Variants in PRKN observed in about 807,000 individuals in gnomAD.
PRKN encodes the protein E3 ubiquitin-protein ligase parkin.
A neutral mutation model predicts 59.5 loss-of-function variants in PRKN; 56 were observed. That is an observed-to-expected ratio of 0.94 (90% CI 0.76 to 1.18). The LOEUF (loss-of-function observed/expected upper bound fraction) is 1.18. PRKN is among the 50% of genes most tolerant of loss of function. The probability of loss-of-function intolerance (pLI) is 0.00; values close to 1 mark genes in which losing one functional copy is unlikely to be tolerated. For missense variants in PRKN, 657 were observed against 596.4 expected (o/e 1.10, Z -1.06); for synonymous variants, 250 against 222.1 (o/e 1.13, Z -1.12).
chr6:162,610,418 G>A (rs907926156), intron 1 of PRKN, among the ~76,000 whole-genome samples: 5 of 152,162 alleles, frequency 3.3e-5, no homozygotes, highest in African/African-American at 7.2e-5. Flanking sequence ...GTGCTGCTAC[G>A]CTGTTAGAGG....
At chr6:162,552,422 A>G (rs1779368805) in intron 1 of PRKN, among the ~76,000 whole-genome samples, 1 of 152,074 alleles carries the variant, frequency 6.6e-6, no homozygotes, top group Non-Finnish European at 1.5e-5. Flanking sequence ...TGGAAGATGT[A>G]CTCTGGAGGT....
intron 4 of PRKN, among the ~76,000 whole-genome samples, chr6:162,196,900 G>T (rs1784515520): frequency 6.6e-6 from 1 of 152,072 alleles, no homozygotes; most frequent in African/African-American, 2.4e-5. Flanking sequence ...AACTTTAGAA[G>T]ATTACCATTT....
rs1020062678 is a variant in PRKN, at chr6:161,445,717, G to C, written c.1084-58840C>G. 2.0e-5 allele frequency among the ~76,000 whole-genome samples: 3 copies of C among 152,206 alleles called. No homozygotes were observed. The highest frequency in any genetic ancestry group is 7.2e-5 in the African/African-American group (3 of 41,460). The stretch of plus-strand genomic sequence containing the variant: ...CAGAGTGCATGGTCTCCCTTCACGT[G>C]CGGGGCCAGGTGACTGCACAGAGTG... On this transcript the variant is annotated intron_variant, in intron 9 of 11. Transcript: ENST00000366898. The surrounding 1 kb of genome is among the most constrained non-coding windows in gnomAD (Gnocchi z 7.7).
intron 7 of PRKN, among the ~76,000 whole-genome samples, chr6:161,694,358 C>CAT (rs952229961): frequency 1.3e-5 from 2 of 152,124 alleles, no homozygotes; most frequent in Non-Finnish European, 2.9e-5. Context: ...ATGCACTTCA[C>CAT]ATAATGTTGT....
At chr6:161,666,861 T>G (rs1784744583) in intron 7 of PRKN, among the ~76,000 whole-genome samples, 1 of 152,052 alleles carries the variant, frequency 6.6e-6, no homozygotes, top group African/African-American at 2.4e-5. Flanking sequence ...TGGCAGACAC[T>G]CAGCAGAAGA....
chr6:162,423,035 G>C (rs969573593), intron 2 of PRKN, among the ~76,000 whole-genome samples: 22 of 148,592 alleles, frequency 1.5e-4, no homozygotes, highest in African/African-American at 5.2e-4. Flanking sequence ...TGGATTCTTT[G>C]CCTTTCATTG....
At chr6:161,895,858 G>A (rs1025452058) in intron 6 of PRKN, among the ~76,000 whole-genome samples, 8 of 152,228 alleles carry the variant, frequency 5.3e-5, no homozygotes, top group Non-Finnish European at 1.0e-4. Context: ...GTAAGGGGCA[G>A]GGTTGGAGGG....
At chr6:162,272,586 T>C (rs982449606) in intron 2 of PRKN, among the ~76,000 whole-genome samples, 3 of 152,050 alleles carry the variant, frequency 2.0e-5, no homozygotes, top group Non-Finnish European at 4.4e-5. Flanking sequence ...CAGAACCACA[T>C]GCGAGTTTAT....
intron 7 of PRKN, among the ~76,000 whole-genome samples, chr6:161,583,899 A>T (rs1230793077): frequency 6.6e-6 from 1 of 152,198 alleles, no homozygotes; most frequent in Non-Finnish European, 1.5e-5. Context: ...TTTGCAAACC[A>T]TTCAGAGGCA....
intron 5 of PRKN, among the ~76,000 whole-genome samples, chr6:162,022,048 A>G (rs1214531485): frequency 6.6e-6 from 1 of 152,010 alleles, no homozygotes; most frequent in Non-Finnish European, 1.5e-5. Context: ...TTTTGGCTGC[A>G]TAGTATTCTA....
chr6:162,643,077 T>C (rs1778023230), intron 1 of PRKN, among the ~76,000 whole-genome samples: 1 of 152,058 alleles, frequency 6.6e-6, no homozygotes, highest in Non-Finnish European at 1.5e-5. Flanking sequence ...AAAGTTGACA[T>C]AGACATAAAG....
At position 161,526,644 on chromosome 6, in the gene PRKN, C is replaced by A. The variant is rs978816575; in HGVS notation, c.1083+22210G>T. Among the ~76,000 whole-genome samples, 6 of 151,332 alleles carry A rather than the reference C, an allele frequency of 4.0e-5. No homozygotes were observed. Among genetic ancestry groups the A allele is most frequent in the African/African-American group, 1.5e-4 (6 of 41,274 alleles). ...GCATCAGTAATTGCTACATGAGGAG[C>A]AAACCCTCTGATATAATTTTACATT... On this transcript the variant is annotated intron_variant, in intron 9 of 11. Transcript: ENST00000366898. This position sits in a 1 kb window ranked among gnomAD's most constrained non-coding sequence, Gnocchi z 4.1.
intron 2 of PRKN, among the ~76,000 whole-genome samples, chr6:162,338,564 C>T (rs1157296944): frequency 6.6e-6 from 1 of 152,156 alleles, no homozygotes; most frequent in Non-Finnish European, 1.5e-5. Context: ...CTCAATGGTG[C>T]CCAGGCTGGA....
Position 161,962,196 on chromosome 6 carries a change from C to A in PRKN, c.734+11106G>T, listed in dbSNP as rs983635579. On this transcript the variant is annotated intron_variant, in intron 6 of 11. Transcript: ENST00000366898. ...TAAATGTCATGAGAAAATAGAGCTA[C>A]ATAAAGGATGTTTATAGAGGGCAAG... is the stretch of plus-strand genomic sequence containing the variant. Among the ~76,000 whole-genome samples the A allele has an allele frequency of 7.9e-5, 12 of 152,320 alleles. No individual in the cohort carries two copies. The South Asian group carries it at 8.3e-4, about 11-fold the overall frequency.
chr6:161,682,259 T>C (rs114225574), intron 7 of PRKN, among the ~76,000 whole-genome samples: 1 of 152,158 alleles, frequency 6.6e-6, no homozygotes, highest in African/African-American at 2.4e-5. Flanking sequence ...CCAGAGATTT[T>C]TCGGATTCCA....
chr6:161,833,287 C>T (rs142666239), intron 6 of PRKN, among the ~76,000 whole-genome samples: 178 of 152,282 alleles, frequency 1.2e-3, no homozygotes, highest in African/African-American at 4.2e-3. Context: ...AATGACTTCT[C>T]GTCACTGAAG....
chr6:162,472,643 A>G (rs6908804), intron 1 of PRKN, among the ~76,000 whole-genome samples: 37,200 of 120,152 alleles, frequency 0.31, 10,924 homozygotes, highest in African/African-American at 0.51. Context: ...GCCCGCCACC[A>G]CGCCCGGCTA....
At chr6:162,107,178 T>C (rs749272450) in intron 4 of PRKN, among the ~76,000 whole-genome samples, 1 of 152,194 alleles carries the variant, frequency 6.6e-6, no homozygotes, top group Non-Finnish European at 1.5e-5. Context: ...AAATAAAAGG[T>C]TGAAGGCCGG....
At position 161,395,980 on chromosome 6, in the gene PRKN, C is replaced by T. The variant is rs9365284; in HGVS notation, c.1084-9103G>A. Among the ~76,000 whole-genome samples the T allele has an allele frequency of 0.092, 14,006 of 152,196 alleles. 721 individuals carry two copies. The highest frequency in any genetic ancestry group is 0.19 in the South Asian group (935 of 4,822). Reference sequence around the variant, plus strand: ...GAGAAAGAAACAGTGAATGGGGGAACGGCAGCTTCCCTCACTTGTGGCTGT... The same window carrying T: ...GAGAAAGAAACAGTGAATGGGGGAATGGCAGCTTCCCTCACTTGTGGCTGT... On this transcript the variant is annotated intron_variant, in intron 9 of 11. Transcript: ENST00000366898. This position sits in a 1 kb window ranked among gnomAD's most constrained non-coding sequence, Gnocchi z 5.0.
Sources: gnomAD v4.1 joint callset for allele counts (sites outside exome capture counted in the v4.1 genomes callset) on GRCh38, gnomAD v4.1.1 for gene constraint, Gnocchi (gnomAD v3.1) non-coding constraint, MANE v1.5 for transcripts, NCBI Gene and HGNC (gene_info 2026-07-23, HGNC 2026-07-21) for gene names.